FHAD1: variants seen among roughly 807,000 people sequenced by gnomAD.
FHAD1 encodes the protein forkhead associated phosphopeptide binding domain 1, also known as forkhead-associated domain-containing protein 1.
A neutral mutation model predicts 191.3 loss-of-function variants in FHAD1; 146 were observed. That is an observed-to-expected ratio of 0.76 (90% CI 0.67 to 0.88). FHAD1 has a LOEUF of 0.88. FHAD1 is among the 40% of genes least tolerant of loss of function. The pLI is 0.00. For missense variants in FHAD1, 1,635 were observed against 1,785.8 expected, an observed-to-expected ratio of 0.92 and a Z score of 1.52; for synonymous variants, 616 against 672.3, an observed-to-expected ratio of 0.92 and a Z score of 1.29.
chr1:15,238,831 C>A (rs185394822), intron 1 of FHAD1, among the ~76,000 whole-genome samples: 1 of 152,350 alleles, frequency 6.6e-6, no homozygotes, highest in Non-Finnish European at 1.5e-5. Flanking sequence ...CACATCAAAG[C>A]TTCCTCCCAA....
chr1:15,299,888 A>ACT (rs1668201318), intron 5 of FHAD1, among the ~76,000 whole-genome samples: 1 of 152,174 alleles, frequency 6.6e-6, no homozygotes, highest in Non-Finnish European at 1.5e-5. Flanking sequence ...TGCCACAAGC[A>ACT]CTCACAGGGA....
chr1:15,294,593 A>G (rs1034842350), intron 4 of FHAD1, among the ~76,000 whole-genome samples: 20 of 152,144 alleles, frequency 1.3e-4, no homozygotes, highest in African/African-American at 4.1e-4. Context: ...GAGTTTCGCC[A>G]TGTTGGCCAG....
intron 2 of FHAD1, among the ~76,000 whole-genome samples, chr1:15,267,918 A>T (rs1016232976): frequency 2.1e-5 from 3 of 141,358 alleles, no homozygotes; most frequent in African/African-American, 7.8e-5. Flanking sequence ...TATATAAAAT[A>T]TGTTTTATAG....
chr1:15,369,545 A>C, intron 26 of FHAD1, 43 bp downstream of exon 26: 1 of 1,546,934 alleles, frequency 6.5e-7, no homozygotes, highest in South Asian at 1.2e-5. Context: ...ATGTGCAAAG[A>C]CACAGCCCAG....
intron 26 of FHAD1, among the ~76,000 whole-genome samples, chr1:15,369,762 G>C (rs1172930710): frequency 6.6e-6 from 1 of 152,194 alleles, no homozygotes; most frequent in East Asian, 1.9e-4. Flanking sequence ...AGAAAATGCA[G>C]TGACTGAAGA....
Position 15,329,163 on chromosome 1 carries a change from T to TAA in FHAD1, c.1711-175_1711-174dup. ...CCATCAAAAGTCCAAATTAGAGTAT[T>TAA]AAAAAAAAACCTGTCAAAACATAAA... On this transcript the variant is annotated intron_variant, in intron 13 of 33. Transcript: ENST00000688493. This position sits in a 1 kb window ranked among gnomAD's most constrained non-coding sequence, Gnocchi z 5.0. 4.1e-6 allele frequency: 2 copies of TAA among 491,298 alleles called. No homozygotes were observed. The highest frequency in any genetic ancestry group is 3.6e-6 in the Non-Finnish European group (1 of 275,586). The allele number at this position is 491,298 out of a possible 1,614,324, so 30.4% of individuals were successfully genotyped here.
rs935675992 is a variant in FHAD1, at chr1:15,247,345, C to T, written c.-65C>T. ...CGGAGCTGGCCCGACGCCTCCCGAG[C>T]TGGCAGGGCTCTCGGCGGAGGTCGG... On this transcript the variant is annotated 5_prime_UTR_variant, in exon 1 of 34. Coordinates refer to ENST00000688493, the MANE Select transcript of FHAD1 (RefSeq NM_001391957.1). 2 of 234,266 alleles carry T rather than the reference C, an allele frequency of 8.5e-6. No individual in the cohort carries two copies. The highest frequency in any genetic ancestry group is 1.9e-5 in the Non-Finnish European group (2 of 106,546). The allele number at this position is 234,266 out of a possible 1,614,324, so 14.5% of individuals were successfully genotyped here. A position where few individuals can be genotyped will look rare whatever the true frequency, so the allele number is the denominator to read the frequency against.
At position 15,360,462 on chromosome 1, in the gene FHAD1, ACT is replaced by A. The variant is rs745369531; in HGVS notation, c.2737-11_2737-10del. On this transcript the variant is annotated splice_polypyrimidine_tract_variant and intron_variant, in intron 21 of 33. Transcript: ENST00000688493. ...ACAGCTCCCAAGACCTCACTGAGTGACTCTCTGTTTCCCAGATCATGGTGGAA... is the reference window on the plus strand; with the variant it reads ...ACAGCTCCCAAGACCTCACTGAGTGACTCTGTTTCCCAGATCATGGTGGAA... 31 of 1,548,298 alleles carry A rather than the reference ACT, an allele frequency of 2.0e-5. No individual in the cohort carries two copies. The Admixed American group carries it at 3.5e-4, about 18-fold the overall frequency.
intron 3 of FHAD1, 140 bp downstream of exon 3, chr1:15,272,669 G>A: frequency 2.8e-6 from 2 of 726,380 alleles, no homozygotes; most frequent in East Asian, 2.7e-5. Flanking sequence ...AGACAGAGTG[G>A]ACCCTGTGGA....
At chr1:15,256,710 G>A (rs1459006434) in intron 2 of FHAD1, among the ~76,000 whole-genome samples, 1 of 145,770 alleles carries the variant, frequency 6.9e-6, no homozygotes, top group Non-Finnish European at 1.5e-5. Flanking sequence ...ACCTCACCCT[G>A]CCCTGCCCTA....
chr1:15,391,848 G>A (rs1704132741), intron 33 of FHAD1, among the ~76,000 whole-genome samples: 1 of 152,196 alleles, frequency 6.6e-6, no homozygotes, highest in South Asian at 2.1e-4. Context: ...GGTAGAGAGT[G>A]TCCCCAGGGT....
intron 2 of FHAD1, among the ~76,000 whole-genome samples, chr1:15,259,950 C>T (rs1226423154): frequency 6.6e-6 from 1 of 152,156 alleles, no homozygotes; most frequent in African/African-American, 2.4e-5. Flanking sequence ...CTTGGCATGG[C>T]ATGATGAGGG....
At chr1:15,249,407 A>C in intron 1 of FHAD1, among the ~76,000 whole-genome samples, 1 of 152,074 alleles carries the variant, frequency 6.6e-6, no homozygotes, top group South Asian at 2.1e-4. Context: ...CTTTTACTTT[A>C]GTTTGGATGT....
chr1:15,324,044 T>C (rs756262249), intron 10 of FHAD1, among the ~76,000 whole-genome samples: 1 of 152,194 alleles, frequency 6.6e-6, no homozygotes, highest in African/African-American at 2.4e-5. Context: ...AACACACTTA[T>C]AGAGCCCTTA....
chr1:15,322,797 G>A (rs1676756886), intron 10 of FHAD1, among the ~76,000 whole-genome samples: 2 of 152,188 alleles, frequency 1.3e-5, no homozygotes, highest in South Asian at 2.1e-4. Flanking sequence ...GAGGCGTCAC[G>A]GCCAAAGGTG....
chr1:15,350,978 A>C (rs990887089), intron 19 of FHAD1, among the ~76,000 whole-genome samples: 1 of 152,212 alleles, frequency 6.6e-6, no homozygotes, highest in Non-Finnish European at 1.5e-5. Flanking sequence ...CATACGAGCC[A>C]GGGATGGGGT....
In FHAD1 at chr1:15,272,414, C is replaced by T. The variant is rs2101282196; in HGVS notation, c.185C>T (p.Thr62Met). 2.6e-6 allele frequency: 4 copies of T among 1,551,728 alleles called. No individual in the cohort carries two copies. The highest frequency in any genetic ancestry group is 1.2e-5 in the South Asian group (1 of 84,060). Reference protein sequence around the residue: ...VLQDFNSRNGTFVNECHIQNV... With the variant: ...VLQDFNSRNGMFVNECHIQNV... Reference sequence around the variant, plus strand: ...CAGGACTTCAATTCCCGCAACGGCACGTTTGTCAACGAGTGCCACATTCAA... The same window carrying T: ...CAGGACTTCAATTCCCGCAACGGCATGTTTGTCAACGAGTGCCACATTCAA... Residue 62 changes from threonine to methionine, a missense_variant, in exon 3 of 34, where the codon ACG (threonine) becomes ATG (methionine). Thr to Met is a moderately conservative substitution (Grantham distance 81). Transcript: ENST00000688493.
intron 4 of FHAD1, among the ~76,000 whole-genome samples, chr1:15,293,586 CACG>C (rs1665774284): frequency 6.6e-6 from 1 of 151,950 alleles, no homozygotes; most frequent in Admixed American, 6.6e-5. Flanking sequence ...GGTGTGGTGG[CACG>C]CACCTGTAAT....
chr1:15,272,647 C>G (rs1656594083), intron 3 of FHAD1, 118 bp downstream of exon 3: 2 of 903,414 alleles, frequency 2.2e-6, no homozygotes, highest in Non-Finnish European at 3.4e-6. Flanking sequence ...GCACGCTGCA[C>G]ACAGGCAGCA....
Sources: gnomAD v4.1 joint callset for allele counts (sites outside exome capture counted in the v4.1 genomes callset) on GRCh38, gnomAD v4.1.1 for gene constraint, Gnocchi (gnomAD v3.1) non-coding constraint, MANE v1.5 for transcripts, NCBI Gene and HGNC (gene_info 2026-07-23, HGNC 2026-07-21) for gene names.